The following ADAMTSL1 variants were observed in gnomAD, a reference collection of about 807,000 sequenced individuals.
ADAMTSL1 encodes the protein ADAMTS like 1.
Under a neutral mutation model 201.8 loss-of-function variants are expected in ADAMTSL1, and 126 were observed. That is an observed-to-expected ratio of 0.62 (90% CI 0.54 to 0.72). The LOEUF (loss-of-function observed/expected upper bound fraction) is 0.72. Ranked by LOEUF, ADAMTSL1 falls within the 30% of genes least tolerant of loss-of-function variation. The pLI is 0.00. For synonymous variants in ADAMTSL1, 1,121 were observed against 903.4 expected (o/e 1.24, Z -4.32); for missense variants, 2,679 against 2,277.8 (o/e 1.18, Z -3.59).
intron 1 of ADAMTSL1, among the ~76,000 whole-genome samples, chr9:18,091,689 C>G (rs191179529): frequency 6.6e-6 from 1 of 152,068 alleles, no homozygotes; most frequent in East Asian, 1.9e-4. Flanking sequence ...ATGAGGATAG[C>G]CATCACAGTG....
chr9:18,473,086 CT>C (rs1330211731), upstream of ADAMTSL1, among the ~76,000 whole-genome samples: 2 of 152,156 alleles, frequency 1.3e-5, no homozygotes, highest in African/African-American at 4.8e-5. Context: ...CTGGACTGGC[CT>C]CCAAGGTCAT....
At chr9:18,678,513 G>T (rs983512387) in intron 10 of ADAMTSL1, among the ~76,000 whole-genome samples, 1 of 152,052 alleles carries the variant, frequency 6.6e-6, no homozygotes, top group Non-Finnish European at 1.5e-5. Context: ...TGCCTCATTT[G>T]TCTTTCTATG....
At chr9:18,626,878 C>CTTTCTTT (rs1461320087) in intron 5 of ADAMTSL1, among the ~76,000 whole-genome samples, 146 of 90,050 alleles carry the variant, frequency 1.6e-3, no homozygotes, top group African/African-American at 8.3e-3. Flanking sequence ...TGTCTTTCTT[C>CTTTCTTT]CTTCCTTCCT....
chr9:18,636,048 T>G, intron 6 of ADAMTSL1, 31 bp downstream of exon 6: 2 of 1,518,602 alleles, frequency 1.3e-6, no homozygotes, highest in African/African-American at 1.4e-5. Flanking sequence ...CCTTTGGGAA[T>G]TGGGAATTGT....
chr9:18,842,074 T>G (rs888530053), intron 23 of ADAMTSL1, among the ~76,000 whole-genome samples: 2 of 151,698 alleles, frequency 1.3e-5, no homozygotes, highest in Non-Finnish European at 3.0e-5. Flanking sequence ...TCTTGCCTTC[T>G]GCTAGCTTTT....
rs192386694 is a variant in ADAMTSL1 at position 17,950,502 on chromosome 9, A to C, written c.87+43580A>C. Among the ~76,000 whole-genome samples, 76 of 151,386 alleles carry C rather than the reference A, an allele frequency of 5.0e-4. No homozygotes were observed. The East Asian group carries it at 0.011, about 22-fold the overall frequency. On this transcript the variant is annotated intron_variant, in intron 1 of 29. Coordinates refer to the ADAMTSL1 transcript ENST00000680146. ...TATACTTTTATCAAATATGTGTATGATTGTATATATTTTTAAATTTTAAAT... is the reference window on the plus strand; with the variant it reads ...TATACTTTTATCAAATATGTGTATGCTTGTATATATTTTTAAATTTTAAAT...
chr9:18,507,601 G>A (rs530885308), intron 2 of ADAMTSL1, among the ~76,000 whole-genome samples: 27 of 152,202 alleles, frequency 1.8e-4, no homozygotes, highest in Admixed American at 1.6e-3. Flanking sequence ...TTTCTAGAAA[G>A]CACAACACAA....
intron 2 of ADAMTSL1, among the ~76,000 whole-genome samples, chr9:18,526,382 C>A (rs1294010928): frequency 6.6e-6 from 1 of 152,200 alleles, no homozygotes; most frequent in Non-Finnish European, 1.5e-5. Context: ...TGGATCTTGG[C>A]TCTTTATCCA....
chr9:18,474,211 T>C lies in ADAMTSL1; in HGVS notation c.-22T>C, dbSNP rs747773383. On this transcript the variant is annotated 5_prime_UTR_variant, in exon 1 of 29. Transcript: ENST00000380548. ...TAGCAGCTTATTCAGTGTCCGATTC[T>C]GATTCCGGCAAGGATCCAAGCATGG... 9 of 1,613,862 alleles carry C rather than the reference T, an allele frequency of 5.6e-6. No individual in the cohort carries two copies. In the South Asian group the frequency reaches 9.9e-5, roughly 18 times the overall value.
rs148238898 is a variant in ADAMTSL1 at position 18,467,292 on chromosome 9, T to C, written c.208-37537T>C. On this transcript the variant is annotated intron_variant, in intron 2 of 29. Coordinates refer to the ADAMTSL1 transcript ENST00000680146. ...TTTGCTACTTAGATTGGTTAAACAA[T>C]TAAATATTAAAATGCCAAATTAAAA... 5.9e-5 allele frequency among the ~76,000 whole-genome samples: 9 copies of C among 152,292 alleles called. No individual in the cohort carries two copies. In the East Asian group the frequency reaches 1.5e-3, roughly 26 times the overall value.
At chr9:18,433,341 T>C (rs952342686) in intron 2 of ADAMTSL1, among the ~76,000 whole-genome samples, 2 of 152,128 alleles carry the variant, frequency 1.3e-5, no homozygotes, top group Non-Finnish European at 2.9e-5. Flanking sequence ...TAAATGTCTT[T>C]ATGAAGTGAA....
intron 1 of ADAMTSL1, among the ~76,000 whole-genome samples, chr9:18,503,231 C>T (rs73421023): frequency 0.037 from 5,576 of 151,746 alleles, 340 homozygotes; most frequent in African/African-American, 0.13. Flanking sequence ...GCCCCCCATT[C>T]TAGACACAGA....
chr9:18,563,640 C>A (rs778322760), intron 3 of ADAMTSL1, among the ~76,000 whole-genome samples: 1 of 152,186 alleles, frequency 6.6e-6, no homozygotes, highest in East Asian at 1.9e-4. Context: ...GTGCTCTGTC[C>A]CAGGGAGATG....
At chr9:18,550,884 C>A (rs1820761257) in intron 3 of ADAMTSL1, among the ~76,000 whole-genome samples, 1 of 151,704 alleles carries the variant, frequency 6.6e-6, no homozygotes, top group Non-Finnish European at 1.5e-5. Context: ...GTGCTAAGAT[C>A]CCTCTTGTAT....
At chr9:18,099,355 A>ATATATTTTTT (rs1239180390) in intron 1 of ADAMTSL1, among the ~76,000 whole-genome samples, 1 of 45,562 alleles carries the variant, frequency 2.2e-5, no homozygotes, top group Non-Finnish European at 4.1e-5. Context: ...ATATATATAT[A>ATATATTTTTT]TTTTTTTTTT....
chr9:18,315,675 C>T (rs1563881429), intron 2 of ADAMTSL1, among the ~76,000 whole-genome samples: 1 of 152,182 alleles, frequency 6.6e-6, no homozygotes, highest in Non-Finnish European at 1.5e-5. Flanking sequence ...GGCCCACGAG[C>T]TCTGTTTGCA....
chr9:18,680,549 G>C, intron 11 of ADAMTSL1, 33 bp downstream of exon 11: 2 of 1,608,230 alleles, frequency 1.2e-6, no homozygotes, highest in East Asian at 2.2e-5. Context: ...TTCATTAGGA[G>C]AGTAAGTCCA....
intron 2 of ADAMTSL1, among the ~76,000 whole-genome samples, chr9:18,391,999 A>G (rs1352931720): frequency 2.0e-5 from 3 of 151,104 alleles, no homozygotes; most frequent in East Asian, 2.0e-4. Context: ...GAATTTTTGT[A>G]TTTTTAGTAG....
At position 18,257,740 on chromosome 9, in the gene ADAMTSL1, A is replaced by T. The variant is rs77167233; in HGVS notation, c.207+93759A>T. On this transcript the variant is annotated intron_variant, in intron 2 of 29. Transcript: ENST00000680146. The stretch of plus-strand genomic sequence containing the variant: ...ATGTTTATAGTGCATTATTCACAAT[A>T]GCTAAAAGGTGGAAACAACAGATGA... 2.2e-3 allele frequency among the ~76,000 whole-genome samples: 330 copies of T among 152,372 alleles called. 3 individuals carry two copies. Among genetic ancestry groups the T allele is most frequent in the African/African-American group, 7.8e-3 (324 of 41,588 alleles).
Sources: gnomAD v4.1 joint callset for allele counts (sites outside exome capture counted in the v4.1 genomes callset) on GRCh38, gnomAD v4.1.1 for gene constraint, MANE v1.5 for transcripts, NCBI Gene and HGNC (gene_info 2026-07-23, HGNC 2026-07-21) for gene names.